POLR1E: variants seen among roughly 807,000 people sequenced by gnomAD.
POLR1E encodes RNA polymerase I subunit E, also known as DNA-directed RNA polymerase I subunit RPA49.
Under a neutral mutation model 50.9 loss-of-function variants are expected in POLR1E, and 37 were observed. The ratio of observed to expected loss-of-function variants is 0.73; its 90% confidence interval spans 0.56 to 0.96. The LOEUF (loss-of-function observed/expected upper bound fraction) is 0.96. Ranked by LOEUF, POLR1E falls within the 40% of genes least tolerant of loss-of-function variation. The pLI is 0.00. For synonymous variants in POLR1E, 166 were observed against 191.6 expected (o/e 0.87, Z 1.10); for missense variants, 426 against 518.1 (o/e 0.82, Z 1.73).
intron 11 of POLR1E, among the ~76,000 whole-genome samples, chr9:37,502,078 G>A (rs994433253): frequency 6.6e-6 from 1 of 152,182 alleles, no homozygotes; most frequent in African/African-American, 2.4e-5. Flanking sequence ...GATTTCCCTA[G>A]AAAACAATTG....
intron 11 of POLR1E, 21 bp downstream of exon 11, chr9:37,501,865 A>G: frequency 6.2e-7 from 1 of 1,606,858 alleles, no homozygotes; most frequent in Non-Finnish European, 8.5e-7. Context: ...CAGAATAAAG[A>G]GCTCCCTGCA....
At chr9:37,490,280 A>G (rs1348616346) in intron 4 of POLR1E, 3 of 369,762 alleles carry the variant, frequency 8.1e-6, no homozygotes, top group Non-Finnish European at 1.5e-5. Context: ...TTAAATTTGA[A>G]GAGTAAAGAC....
At chr9:37,496,226 T>A (rs1332304861) in intron 8 of POLR1E, among the ~76,000 whole-genome samples, 5 of 152,118 alleles carry the variant, frequency 3.3e-5, no homozygotes, top group Non-Finnish European at 7.4e-5. Flanking sequence ...GGTGAGGCCT[T>A]CTACTCTGGG....
intron 8 of POLR1E, among the ~76,000 whole-genome samples, chr9:37,496,584 T>C (rs1820788285): frequency 6.6e-6 from 1 of 151,402 alleles, no homozygotes; most frequent in Non-Finnish European, 1.5e-5. Context: ...ATTTTACTGG[T>C]CATTGAAATC....
intron 11 of POLR1E, 128 bp from the exon 12 acceptor site, chr9:37,502,914 GC>G: frequency 9.9e-7 from 1 of 1,011,140 alleles, no homozygotes; most frequent in Admixed American, 2.6e-5. Flanking sequence ...GGGGCTTTGT[GC>G]CTGCTGGCAA....
chr9:37,501,694 A>T lies in POLR1E; in HGVS notation c.969-19A>T, dbSNP rs1820890577. The T allele has an allele frequency of 6.2e-7, 1 of 1,601,184 alleles. No homozygotes were observed. Among genetic ancestry groups the T allele is most frequent in the African/African-American group, 1.4e-5 (1 of 74,028 alleles). On this transcript the variant is annotated intron_variant, in intron 10 of 11. Transcript: ENST00000377798. ...GAGAGTTTAATTTTGTTTCTCCTTTATTGCCACTGATTTTCTAGATTACGG... is the reference window on the plus strand; with the variant it reads ...GAGAGTTTAATTTTGTTTCTCCTTTTTTGCCACTGATTTTCTAGATTACGG...
At chr9:37,493,752 C>T in intron 6 of POLR1E, 49 bp downstream of exon 6, 1 of 1,414,268 alleles carries the variant, frequency 7.1e-7, no homozygotes, top group Non-Finnish European at 9.3e-7. Flanking sequence ...TGACAGCTTT[C>T]TCTTCTCTTG....
At chr9:37,501,401 C>A (rs1820885778) in intron 10 of POLR1E, among the ~76,000 whole-genome samples, 1 of 152,252 alleles carries the variant, frequency 6.6e-6, no homozygotes, top group Admixed American at 6.5e-5. Context: ...GTTTTCCCAG[C>A]AGCCCTGCTG....
At chr9:37,486,369 C>T (rs979896466) in intron 1 of POLR1E, 1 of 1,478,932 alleles carries the variant, frequency 6.8e-7, no homozygotes, top group Non-Finnish European at 9.0e-7. Context: ...CTGACCCCCT[C>T]ACCCACCAGG....
At chr9:37,492,794 C>G in intron 5 of POLR1E, 79 bp downstream of exon 5, 1 of 1,280,944 alleles carries the variant, frequency 7.8e-7, no homozygotes, top group Non-Finnish European at 1.1e-6. Flanking sequence ...GTGAAATGAG[C>G]TTGTTGAACT....
chr9:37,486,295 C>A, intron 1 of POLR1E, 172 bp downstream of exon 1: 1 of 1,284,496 alleles, frequency 7.8e-7, no homozygotes, highest in Non-Finnish European at 1.0e-6. Flanking sequence ...CTTTCTGTCA[C>A]TACCTCCCAG....
chr9:37,489,457 G>T, intron 4 of POLR1E, 57 bp downstream of exon 4: 1 of 1,136,938 alleles, frequency 8.8e-7, no homozygotes, highest in South Asian at 1.5e-5. Flanking sequence ...TTTGCTGGAT[G>T]AGTTGGCTTG....
Position 37,486,014 on chromosome 9 carries a change from C to G in POLR1E, c.-34C>G, listed in dbSNP as rs1183220967. On this transcript the variant is annotated 5_prime_UTR_variant, in exon 1 of 12. Coordinates refer to ENST00000377798, the MANE Select transcript of POLR1E (RefSeq NM_022490.4). The stretch of plus-strand genomic sequence containing the variant: ...AAAGTGCGCTTGTGGCTGCTGCTGT[C>G]TTAACTCCTGTGCTTGGCGGACAGA... 2 of 1,582,496 alleles carry G rather than the reference C, an allele frequency of 1.3e-6. No homozygotes were observed. The highest frequency in any genetic ancestry group is 1.7e-6 in the Non-Finnish European group (2 of 1,166,152).
chr9:37,494,993 A>G (rs924662565), intron 6 of POLR1E, among the ~76,000 whole-genome samples, 176 bp from the exon 7 acceptor site: 2 of 152,202 alleles, frequency 1.3e-5, no homozygotes, highest in African/African-American at 4.8e-5. Flanking sequence ...TTTGTTCATG[A>G]GTGAACATGG....
intron 1 of POLR1E, 157 bp from the exon 2 acceptor site, chr9:37,486,546 C>T (rs761938111): frequency 1.4e-5 from 22 of 1,582,646 alleles, no homozygotes; most frequent in East Asian, 2.3e-5. Flanking sequence ...TCAGCTGGCC[C>T]CGGATCTCCT....
At chr9:37,492,549 TA>T in intron 4 of POLR1E, 107 bp from the exon 5 acceptor site, 2 of 1,098,914 alleles carry the variant, frequency 1.8e-6, no homozygotes, top group South Asian at 1.4e-5. Flanking sequence ...AGTCCTATAG[TA>T]AAGAAATCTA....
chr9:37,495,653 G>C (rs1024184855), intron 7 of POLR1E, among the ~76,000 whole-genome samples: 3 of 152,184 alleles, frequency 2.0e-5, no homozygotes, highest in East Asian at 1.9e-4. Context: ...CGGTCAGAAG[G>C]AAAATGCCTG....
chr9:37,493,550 C>T lies in POLR1E; in HGVS notation c.403-9C>T, dbSNP rs1210526359. 6 of 1,587,722 alleles carry T rather than the reference C, an allele frequency of 3.8e-6. No homozygotes were observed. The African/African-American group carries it at 4.0e-5, about 11-fold the overall frequency. ...CTGTCCCCAGTAACCAGGTTTATCT[C>T]ATAAACAGATGGATTCTTGTATTGA... On this transcript the variant is annotated splice_polypyrimidine_tract_variant and intron_variant, in intron 5 of 11. Coordinates refer to ENST00000377798, the MANE Select transcript of POLR1E (RefSeq NM_022490.4).
chr9:37,486,930 C>G (rs909231882), intron 2 of POLR1E, 124 bp downstream of exon 2: 17 of 1,127,332 alleles, frequency 1.5e-5, no homozygotes, highest in Non-Finnish European at 2.1e-5. Context: ...CTTTGAAGAA[C>G]TCTGATGCCC....
Sources: allele counts gnomAD v4.1 joint callset (sites outside exome capture counted in the v4.1 genomes callset), GRCh38; gene constraint gnomAD v4.1.1; transcripts MANE v1.5; gene names NCBI Gene and HGNC (gene_info 2026-07-23, HGNC 2026-07-21).